Variants in GRM8 observed in about 807,000 individuals in gnomAD.
GRM8 encodes the protein metabotropic glutamate receptor 8.
GRM8 carries 47 observed loss-of-function variants against 87.2 expected under a neutral mutation model. The observed-to-expected ratio is 0.54, with a 90% CI of 0.43 to 0.69. The LOEUF (loss-of-function observed/expected upper bound fraction) is 0.69, where lower values mean the gene tolerates loss of function less well. Ranked by LOEUF, GRM8 falls within the 30% of genes least tolerant of loss-of-function variation. GRM8 has a pLI of 0.00. For synonymous variants in GRM8, 396 were observed against 404.5 expected (o/e 0.98, Z 0.25); for missense variants, 1,019 against 1,139.2 (o/e 0.89, Z 1.52).
chr7:126,640,549 ATCTC>A (rs1284357237), intron 7 of GRM8, among the ~76,000 whole-genome samples: 1 of 152,090 alleles, frequency 6.6e-6, no homozygotes, highest in Non-Finnish European at 1.5e-5. Context: ...TATATTATCA[ATCTC>A]TCTCTCTGTC....
chr7:126,717,916 G>A (rs2151442570), intron 7 of GRM8, among the ~76,000 whole-genome samples: 1 of 152,248 alleles, frequency 6.6e-6, no homozygotes, highest in Non-Finnish European at 1.5e-5. Flanking sequence ...AGGTTCCTTA[G>A]TTTGAATGGT....
intron 8 of GRM8, among the ~76,000 whole-genome samples, chr7:126,574,698 A>T (rs1794961388): frequency 6.6e-6 from 1 of 152,144 alleles, no homozygotes. Flanking sequence ...GGCAACTAAC[A>T]TTCCACTTCT....
intron 7 of GRM8, among the ~76,000 whole-genome samples, chr7:126,660,719 T>C (rs1805070574): frequency 6.6e-6 from 1 of 152,184 alleles, no homozygotes; most frequent in African/African-American, 2.4e-5. Context: ...TCTCAGAAAA[T>C]ACCCCTGACT....
chr7:126,600,587 T>C (rs1443891402), intron 8 of GRM8, among the ~76,000 whole-genome samples: 1 of 152,184 alleles, frequency 6.6e-6, no homozygotes, highest in Non-Finnish European at 1.5e-5. Flanking sequence ...GGATCATCCA[T>C]CTATGTTCAG....
chr7:126,573,120 T>C (rs925704192), intron 8 of GRM8, among the ~76,000 whole-genome samples: 4 of 152,188 alleles, frequency 2.6e-5, no homozygotes, highest in African/African-American at 9.7e-5. Context: ...AGGTTTATGG[T>C]GTCAGATATT....
At chr7:126,556,743 G>C (rs1307341714) in intron 8 of GRM8, among the ~76,000 whole-genome samples, 1 of 152,132 alleles carries the variant, frequency 6.6e-6, no homozygotes, top group Non-Finnish European at 1.5e-5. Context: ...TCATGGTTCA[G>C]ATTATTTATT....
intron 3 of GRM8, among the ~76,000 whole-genome samples, chr7:127,072,689 A>ATTAATTTT (rs1312800273): frequency 2.0e-5 from 3 of 151,760 alleles, no homozygotes; most frequent in Non-Finnish European, 4.4e-5. Flanking sequence ...ACTTAAAAAT[A>ATTAATTTT]TTAATTCAGT....
chr7:127,026,606 T>C (rs2132262671), intron 3 of GRM8, among the ~76,000 whole-genome samples: 1 of 152,342 alleles, frequency 6.6e-6, no homozygotes, highest in East Asian at 1.9e-4. Context: ...CCAGTGATGA[T>C]GAGCATTTTT....
At chr7:127,149,982 A>G (rs574445682) in intron 2 of GRM8, among the ~76,000 whole-genome samples, 1 of 152,162 alleles carries the variant, frequency 6.6e-6, no homozygotes, top group African/African-American at 2.4e-5. Context: ...GTCATAGGTA[A>G]TAAAATTGTA....
At chr7:126,446,886 A>G (rs574278735) in intron 9 of GRM8, among the ~76,000 whole-genome samples, 221 of 152,072 alleles carry the variant, frequency 1.5e-3, no homozygotes, top group African/African-American at 5.1e-3. Flanking sequence ...CATAATTCCA[A>G]CTACCAAAAA....
intron 3 of GRM8, among the ~76,000 whole-genome samples, chr7:127,023,277 G>A (rs974907217): frequency 6.6e-6 from 1 of 151,640 alleles, no homozygotes; most frequent in East Asian, 1.9e-4. Flanking sequence ...TATTTTTAAG[G>A]CTTTGTTATG....
chr7:127,191,659 T>C (rs1795035653), intron 2 of GRM8, among the ~76,000 whole-genome samples: 1 of 152,118 alleles, frequency 6.6e-6, no homozygotes, highest in African/African-American at 2.4e-5. Context: ...CAGAACCACA[T>C]CCATAAAATT....
intron 2 of GRM8, among the ~76,000 whole-genome samples, chr7:127,127,043 A>C (rs1377982551): frequency 6.6e-6 from 1 of 152,076 alleles, no homozygotes; most frequent in Non-Finnish European, 1.5e-5. Context: ...ACTTACTAGA[A>C]TTCCTAAAGG....
chr7:126,926,478 T>A (rs1220221071), intron 3 of GRM8, among the ~76,000 whole-genome samples: 1 of 152,140 alleles, frequency 6.6e-6, no homozygotes, highest in African/African-American at 2.4e-5. Flanking sequence ...CCTCCTTACC[T>A]CTCACCTGGG....
At chr7:126,786,517 T>G (rs889421114) in intron 6 of GRM8, among the ~76,000 whole-genome samples, 31 of 152,158 alleles carry the variant, frequency 2.0e-4, no homozygotes, top group Admixed American at 1.4e-3. Flanking sequence ...CATGGTAACA[T>G]CTCAAAAAAT....
intron 6 of GRM8, among the ~76,000 whole-genome samples, chr7:126,857,069 T>C (rs954948038): frequency 6.6e-6 from 1 of 152,188 alleles, no homozygotes; most frequent in Non-Finnish European, 1.5e-5. Context: ...TTTCCATGAA[T>C]AGGAAGATCT....
intron 7 of GRM8, among the ~76,000 whole-genome samples, chr7:126,725,971 C>T (rs2151468201): frequency 6.6e-6 from 1 of 152,264 alleles, no homozygotes. Flanking sequence ...AAAACACCAC[C>T]CACCAGGCCC....
chr7:126,957,051 A>G (rs1435715416), intron 3 of GRM8, among the ~76,000 whole-genome samples: 2 of 152,148 alleles, frequency 1.3e-5, no homozygotes, highest in African/African-American at 4.8e-5. Context: ...ACACTTTTTT[A>G]AAGTTCCACA....
chr7:126,617,967 T>A (rs538253388), intron 7 of GRM8, among the ~76,000 whole-genome samples: 3 of 152,256 alleles, frequency 2.0e-5, no homozygotes, highest in Non-Finnish European at 4.4e-5. Context: ...AATTTATAGA[T>A]TCAATGCCAT....
Sources: allele counts gnomAD v4.1 joint callset (sites outside exome capture counted in the v4.1 genomes callset), GRCh38; gene constraint gnomAD v4.1.1; transcripts MANE v1.5; gene names NCBI Gene and HGNC (gene_info 2026-07-23, HGNC 2026-07-21).